Variants in TRAPPC9 observed in about 807,000 individuals in gnomAD.
The protein encoded by TRAPPC9 is trafficking protein particle complex subunit 9.
A neutral mutation model predicts 124.0 loss-of-function variants in TRAPPC9; 83 were observed. That is an observed-to-expected ratio of 0.67 (90% CI 0.56 to 0.80). TRAPPC9 has a LOEUF of 0.80. Among genes scored for constraint, TRAPPC9 ranks in the 30% least tolerant of loss-of-function variants. The pLI, the probability that TRAPPC9 is intolerant of heterozygous loss-of-function variation, is 0.00. For synonymous variants in TRAPPC9, 638 were observed against 617.5 expected, an observed-to-expected ratio of 1.03 and a Z score of -0.49; for missense variants, 1,302 against 1,508.3, an observed-to-expected ratio of 0.86 and a Z score of 2.27.
At chr8:139,850,091 C>T (rs1586983205) in intron 21 of TRAPPC9, among the ~76,000 whole-genome samples, 2 of 152,162 alleles carry the variant, frequency 1.3e-5, no homozygotes, top group South Asian at 2.1e-4. Context: ...ACTCTGAGCC[C>T]CTTCTCAGTG....
intron 17 of TRAPPC9, among the ~76,000 whole-genome samples, chr8:140,207,617 C>A (rs1043571042): frequency 1.3e-5 from 2 of 152,220 alleles, no homozygotes; most frequent in African/African-American, 4.8e-5. Context: ...TCCCACCTAG[C>A]ACTGCAAAGA....
chr8:140,352,857 A>G (rs1159509452), intron 9 of TRAPPC9, among the ~76,000 whole-genome samples: 4 of 152,204 alleles, frequency 2.6e-5, no homozygotes, highest in Admixed American at 2.0e-4. Context: ...AGTCTTCTTA[A>G]GGTAACCTTG....
chr8:140,215,466 A>C (rs1175331694), intron 17 of TRAPPC9, among the ~76,000 whole-genome samples: 1 of 151,838 alleles, frequency 6.6e-6, no homozygotes, highest in Non-Finnish European at 1.5e-5. Context: ...AACACAGTGA[A>C]ACCCCATCTC....
chr8:139,743,333 G>C (rs977139629), intron 21 of TRAPPC9, among the ~76,000 whole-genome samples: 1 of 152,182 alleles, frequency 6.6e-6, no homozygotes, highest in Non-Finnish European at 1.5e-5. Context: ...CTTTTGCGCT[G>C]GCGAGAAACA....
intron 16 of TRAPPC9, among the ~76,000 whole-genome samples, chr8:140,250,715 G>A (rs2131494107): frequency 6.6e-6 from 1 of 152,128 alleles, no homozygotes; most frequent in South Asian, 2.1e-4. Context: ...TTAGAGATTT[G>A]CTGTCTCTTT....
intron 14 of TRAPPC9, 32 bp downstream of exon 14, chr8:140,283,857 C>T (rs762215508): frequency 1.2e-6 from 2 of 1,613,662 alleles, no homozygotes; most frequent in Non-Finnish European, 1.7e-6. Flanking sequence ...TGCCTCAGAG[C>T]CACTCTGCTC....
chr8:140,283,778 T>C (rs949005388), intron 14 of TRAPPC9, 111 bp downstream of exon 14: 1 of 1,163,544 alleles, frequency 8.6e-7, no homozygotes, highest in African/African-American at 1.5e-5. Flanking sequence ...CCTTCACCTA[T>C]ATTCTGGTCA....
intron 15 of TRAPPC9, among the ~76,000 whole-genome samples, chr8:140,262,013 C>T (rs535507823): frequency 7.2e-5 from 11 of 152,264 alleles, no homozygotes; most frequent in East Asian, 5.8e-4. Flanking sequence ...AAGACCTGTA[C>T]GTCTATTGTC....
At chr8:140,143,041 T>C (rs1377670939) in intron 17 of TRAPPC9, among the ~76,000 whole-genome samples, 1 of 152,132 alleles carries the variant, frequency 6.6e-6, no homozygotes, top group Non-Finnish European at 1.5e-5. Flanking sequence ...CAGCTGTTAG[T>C]GGAGTGAGTG....
In TRAPPC9 at chr8:140,450,742, T is replaced by C. The variant is rs752689999; in HGVS notation, c.584+48A>G. 10 of 1,461,614 alleles carry C rather than the reference T, an allele frequency of 6.8e-6. No homozygotes were observed. The South Asian group carries it at 9.6e-5, about 14-fold the overall frequency. The allele number at this position is 1,461,614 out of a possible 1,614,324, so 90.5% of individuals were successfully genotyped here. A position where few individuals can be genotyped will look rare whatever the true frequency, so the allele number is the denominator to read the frequency against. On this transcript the variant is annotated intron_variant, in intron 2 of 22. Coordinates refer to ENST00000438773, the MANE Select transcript of TRAPPC9 (RefSeq NM_001160372.4). ...ATGAAATTCTGCCCTGTGCTTTCCC[T>C]TTCTGATGCAGGGAAGCCAAGGGGC...
chr8:139,750,132 T>C (rs954315182), intron 21 of TRAPPC9, among the ~76,000 whole-genome samples: 21 of 152,126 alleles, frequency 1.4e-4, no homozygotes, highest in African/African-American at 3.6e-4. Flanking sequence ...CAGTGTGGCA[T>C]AGACCTCACC....
In TRAPPC9 at chr8:139,984,785, T is replaced by C. The variant is rs1837140331; in HGVS notation, c.2810+3941A>G. 1.3e-5 allele frequency among the ~76,000 whole-genome samples: 2 copies of C among 152,136 alleles called. No individual in the cohort carries two copies. Among genetic ancestry groups the C allele is most frequent in the African/African-American group, 4.8e-5 (2 of 41,412 alleles). ...TTCTAGGGCTCAGGGCAGAGTTGCA[T>C]GGATTCATGGGTATCCCCAGCAGTG... is the stretch of plus-strand genomic sequence containing the variant. On this transcript the variant is annotated intron_variant, in intron 19 of 22. Coordinates refer to ENST00000438773, the MANE Select transcript of TRAPPC9 (RefSeq NM_001160372.4). This position sits in a 1 kb window ranked among gnomAD's most constrained non-coding sequence, Gnocchi z 4.3.
chr8:140,105,796 A>C (rs1363704044), intron 17 of TRAPPC9, among the ~76,000 whole-genome samples: 1 of 152,138 alleles, frequency 6.6e-6, no homozygotes, highest in Non-Finnish European at 1.5e-5. Context: ...GGCTCCAGGA[A>C]GGAGAGAGAC....
intron 17 of TRAPPC9, among the ~76,000 whole-genome samples, chr8:140,074,446 G>C (rs1296491317): frequency 6.6e-6 from 1 of 152,224 alleles, no homozygotes; most frequent in African/African-American, 2.4e-5. Context: ...ATCTCCAAAA[G>C]GGAGGCCACT....
intron 21 of TRAPPC9, among the ~76,000 whole-genome samples, chr8:139,878,687 G>A (rs952011115): frequency 1.3e-5 from 2 of 152,170 alleles, no homozygotes; most frequent in African/African-American, 2.4e-5. Context: ...ATTAGAGGCT[G>A]GGCCTGCTAG....
At chr8:140,170,550 C>T (rs2061947122) in intron 17 of TRAPPC9, among the ~76,000 whole-genome samples, 1 of 152,076 alleles carries the variant, frequency 6.6e-6, no homozygotes, top group South Asian at 2.1e-4. Flanking sequence ...GAACTTGAAA[C>T]CCAATTAGGG....
In TRAPPC9 at chr8:140,044,901, T is replaced by C. The variant is rs1841492199; in HGVS notation, c.2557-20822A>G. On this transcript the variant is annotated intron_variant, in intron 17 of 22. Transcript: ENST00000438773. ...CTAAGAATAGCTAACTGATATAACT[T>C]ACACGCAGTAATATAGTCTACGTCA... 4.6e-5 allele frequency among the ~76,000 whole-genome samples: 7 copies of C among 152,304 alleles called. No homozygotes were observed. The South Asian group carries it at 1.4e-3, about 32-fold the overall frequency.
chr8:139,824,354 G>A (rs1300263634), intron 21 of TRAPPC9, among the ~76,000 whole-genome samples: 1 of 152,072 alleles, frequency 6.6e-6, no homozygotes. Context: ...GGGACATCCA[G>A]CACCACAGCA....
chr8:140,377,631 T>G (rs1349897006), intron 7 of TRAPPC9, among the ~76,000 whole-genome samples: 1 of 152,072 alleles, frequency 6.6e-6, no homozygotes, highest in Non-Finnish European at 1.5e-5. Flanking sequence ...CTCCATAAAA[T>G]CTAGTCCCTC....
Sources: gnomAD v4.1 joint callset for allele counts (sites outside exome capture counted in the v4.1 genomes callset) on GRCh38, gnomAD v4.1.1 for gene constraint, Gnocchi (gnomAD v3.1) non-coding constraint, MANE v1.5 for transcripts, NCBI Gene and HGNC (gene_info 2026-07-23, HGNC 2026-07-21) for gene names.